The following SENP7 variants were observed in gnomAD, a reference collection of about 807,000 sequenced individuals.
The protein encoded by SENP7 is SUMO specific peptidase 7, also known as sentrin-specific protease 7.
In SENP7, 64 loss-of-function variants were observed where a neutral mutation model predicts 141.2. The ratio of observed to expected loss-of-function variants is 0.45; its 90% CI spans 0.37 to 0.56. The LOEUF (loss-of-function observed/expected upper bound fraction) is 0.56, where lower values mean the gene tolerates loss of function less well. SENP7 is among the 20% of genes least tolerant of loss of function. SENP7 has a pLI of 0.00. For missense variants in SENP7, 1,025 were observed against 1,212.2 expected, an observed-to-expected ratio of 0.85 and a Z score of 2.29; for synonymous variants, 382 against 426.4, an observed-to-expected ratio of 0.90 and a Z score of 1.28.
chr3:101,390,177 G>T (rs1370847534), intron 6 of SENP7, among the ~76,000 whole-genome samples: 3 of 139,564 alleles, frequency 2.1e-5, no homozygotes, highest in Non-Finnish European at 4.5e-5. Flanking sequence ...TCGAGATTGT[G>T]CCACTGCACT....
chr3:101,392,960 A>AT (rs2060858043), intron 6 of SENP7, among the ~76,000 whole-genome samples: 2 of 152,130 alleles, frequency 1.3e-5, no homozygotes, highest in African/African-American at 4.8e-5. Context: ...TACAGTCTGG[A>AT]TGACAAAGCA....
Position 101,340,193 on chromosome 3 carries a change from T to C in SENP7, c.2259A>G (p.Pro753=). ...GLVQKLIVYP[P]PPTKGGLGVT... ...CTCCTAATCCCCCCTTAGTAGGTGG[T>C]GGAGGATATACAATCAACCTTAAAA... Residue 753 remains proline, a synonymous_variant, in exon 16 of 24, where the codon CCA becomes CCG. Coordinates refer to ENST00000394095, the MANE Select transcript of SENP7 (RefSeq NM_020654.5). 4 of 1,596,644 alleles carry C rather than the reference T, an allele frequency of 2.5e-6. No homozygotes were observed. Among genetic ancestry groups the C allele is most frequent in the Non-Finnish European group, 3.4e-6 (4 of 1,174,204 alleles).
intron 4 of SENP7, among the ~76,000 whole-genome samples, chr3:101,422,848 A>G (rs2061831888): frequency 6.6e-6 from 1 of 151,332 alleles, no homozygotes; most frequent in African/African-American, 2.4e-5. Context: ...GCCTATGAAT[A>G]AAAAAAAATA....
intron 3 of SENP7, among the ~76,000 whole-genome samples, chr3:101,472,824 T>TG (rs748398737): frequency 2.6e-5 from 4 of 151,952 alleles, no homozygotes; most frequent in South Asian, 2.1e-4. Flanking sequence ...ACTTATGTCA[T>TG]GGGGGGTTGT....
intron 13 of SENP7, among the ~76,000 whole-genome samples, chr3:101,345,862 A>C (rs1282148130): frequency 6.6e-6 from 1 of 152,240 alleles, no homozygotes; most frequent in Non-Finnish European, 1.5e-5. Flanking sequence ...GCTTAGGCAA[A>C]GATTTCATGA....
chr3:101,366,299 T>C, intron 9 of SENP7, 131 bp downstream of exon 9: 1 of 551,298 alleles, frequency 1.8e-6, no homozygotes, highest in Non-Finnish European at 3.0e-6. Context: ...CCTTTTTTCC[T>C]AAAGTTAATA....
chr3:101,489,822 C>T (rs1356991314), intron 3 of SENP7, among the ~76,000 whole-genome samples: 1 of 152,200 alleles, frequency 6.6e-6, no homozygotes, highest in African/African-American at 2.4e-5. Flanking sequence ...TAGACATCTA[C>T]AGAACACTCC....
intron 3 of SENP7, among the ~76,000 whole-genome samples, chr3:101,484,157 C>A (rs2108052024): frequency 6.6e-6 from 1 of 152,144 alleles, no homozygotes; most frequent in South Asian, 2.1e-4. Flanking sequence ...AACATGACAC[C>A]AAAGCCACAA....
At chr3:101,361,977 T>A in intron 10 of SENP7, 116 bp from the exon 11 acceptor site, 1 of 1,133,760 alleles carries the variant, frequency 8.8e-7, no homozygotes, top group Non-Finnish European at 1.2e-6. Context: ...TTTGAAGAAC[T>A]TTATACTGTT....
At chr3:101,426,820 T>C (rs993920356) in intron 4 of SENP7, among the ~76,000 whole-genome samples, 9 of 152,064 alleles carry the variant, frequency 5.9e-5, no homozygotes, top group Non-Finnish European at 1.2e-4. Context: ...GCTGAGGAAA[T>C]TGATTACCAC....
At chr3:101,463,827 T>C (rs1420926774) in intron 3 of SENP7, among the ~76,000 whole-genome samples, 2 of 152,112 alleles carry the variant, frequency 1.3e-5, no homozygotes, top group African/African-American at 4.8e-5. Flanking sequence ...TATTCATTCA[T>C]TTATTTATTT....
intron 3 of SENP7, among the ~76,000 whole-genome samples, chr3:101,469,454 T>G (rs981269993): frequency 1.8e-4 from 28 of 151,782 alleles, no homozygotes; most frequent in African/African-American, 6.3e-4. Flanking sequence ...ATATACATTC[T>G]TCTCAGCACC....
intron 4 of SENP7, among the ~76,000 whole-genome samples, chr3:101,445,242 C>T (rs1437678482): frequency 2.0e-5 from 3 of 152,112 alleles, no homozygotes; most frequent in Admixed American, 1.3e-4. Flanking sequence ...CAAAACTATA[C>T]TTCAGAAATG....
intron 5 of SENP7, 82 bp downstream of exon 5, chr3:101,417,511 C>T (rs2061659210): frequency 2.5e-6 from 3 of 1,182,788 alleles, no homozygotes; most frequent in Middle Eastern, 2.0e-4. Flanking sequence ...CAGGTCATTT[C>T]AACAATTTTA....
intron 1 of SENP7, among the ~76,000 whole-genome samples, chr3:101,511,667 A>G (rs1053551675): frequency 1.3e-5 from 2 of 152,226 alleles, no homozygotes; most frequent in African/African-American, 4.8e-5. Context: ...TTGGTTGCAT[A>G]TGAAAAGGGA....
At chr3:101,466,734 G>A (rs773577277) in intron 3 of SENP7, among the ~76,000 whole-genome samples, 4 of 152,104 alleles carry the variant, frequency 2.6e-5, no homozygotes, top group African/African-American at 4.8e-5. Flanking sequence ...GGCTAAATAG[G>A]AACAGCTCCA....
rs988148827 is a variant in SENP7 at position 101,324,639 on chromosome 3, G to A, written c.*1304C>T. On this transcript the variant is annotated 3_prime_UTR_variant, in exon 24 of 24. Transcript: ENST00000394095. ...AGAATACTGAGGCTTAACTGACCCC[G>A]ATTCGTATGATTTTGAAATAAAATG... 3 of 151,872 alleles carry A rather than the reference G, an allele frequency of 2.0e-5. No homozygotes were observed. Among genetic ancestry groups the A allele is most frequent in the Admixed American group, 6.6e-5 (1 of 15,204 alleles). The allele number at this position is 151,872 out of a possible 1,614,324, so 9.4% of individuals were successfully genotyped here.
At chr3:101,468,601 C>T (rs571594161) in intron 3 of SENP7, among the ~76,000 whole-genome samples, 1 of 152,246 alleles carries the variant, frequency 6.6e-6, no homozygotes, top group Non-Finnish European at 1.5e-5. Flanking sequence ...TAATATCCAG[C>T]CAAACTAAGC....
chr3:101,412,771 AGACTTATAGATGTCT>A (rs2061491714), intron 5 of SENP7, among the ~76,000 whole-genome samples: 1 of 152,122 alleles, frequency 6.6e-6, no homozygotes, highest in African/African-American at 2.4e-5. Context: ...CTATTGACAA[AGACTTATAGATGTCT>A]GGAATTTTCT....
Sources: gnomAD v4.1 joint callset for allele counts (sites outside exome capture counted in the v4.1 genomes callset) on GRCh38, gnomAD v4.1.1 for gene constraint, MANE v1.5 for transcripts, NCBI Gene and HGNC (gene_info 2026-07-23, HGNC 2026-07-21) for gene names.